SLC36A2: variants seen among roughly 807,000 people sequenced by gnomAD.
SLC36A2 encodes solute carrier family 36 member 2.
In SLC36A2, 39 loss-of-function variants were observed where a neutral mutation model predicts 42.7. The observed-to-expected ratio is 0.91, with a 90% confidence interval of 0.71 to 1.19. SLC36A2 has a LOEUF of 1.19. SLC36A2 is among the 50% of genes most tolerant of loss of function. The probability of loss-of-function intolerance (pLI) is 0.00; values close to 1 mark genes in which losing one functional copy is unlikely to be tolerated. For synonymous variants in SLC36A2, 237 were observed against 240.8 expected (o/e 0.98, Z 0.15); for missense variants, 590 against 613.7 (o/e 0.96, Z 0.41).
rs149395548 is a variant in SLC36A2, at chr5:151,333,973, A to G, written c.745-651T>C. Among the ~76,000 whole-genome samples the G allele has an allele frequency of 2.0e-3, 308 of 152,340 alleles. 1 individual carries two copies. Among genetic ancestry groups the G allele is most frequent in the African/African-American group, 6.8e-3 (283 of 41,582 alleles). On this transcript the variant is annotated intron_variant, in intron 6 of 9. Coordinates refer to ENST00000335244, the MANE Select transcript of SLC36A2 (RefSeq NM_181776.3). ...AATTCCTGTGACTGCAGTCATAGTA[A>G]TAATCTAAGGAGCCCAAAGTATGAG...
rs1371208052 is a variant in SLC36A2, at chr5:151,342,998, G to A, written c.345-15C>T. Reference sequence around the variant, plus strand: ...GCTTGTTAAGCCTGCAGGAGAGAGTGCATAAACGGTTTCCAAGAGATAGTT... The same window carrying A: ...GCTTGTTAAGCCTGCAGGAGAGAGTACATAAACGGTTTCCAAGAGATAGTT... On this transcript the variant is annotated splice_polypyrimidine_tract_variant and intron_variant, in intron 3 of 9. Transcript: ENST00000335244. 6.2e-7 allele frequency: 1 copy of A among 1,601,770 alleles called. No individual in the cohort carries two copies. The highest frequency in any genetic ancestry group is 2.2e-5 in the East Asian group (1 of 44,824).
Position 151,316,896 on chromosome 5 carries a change from C to A in SLC36A2, c.1373G>T (p.Gly458Val). The change falls in exon 10 of 10, where the codon GGG (glycine) becomes GTG (valine). Residue 458 changes from glycine to valine, a missense_variant. Coordinates refer to ENST00000335244, the MANE Select transcript of SLC36A2 (RefSeq NM_181776.3). Reference protein sequence around the residue: ...SILGFVGFVVGTYQALDELLK... With the variant: ...SILGFVGFVVVTYQALDELLK... ...CAGCTCGTCCAGGGCCTGGTAGGTC[C>A]CCACCACAAAGCCCACGAAGCCCAG... is the stretch of plus-strand genomic sequence containing the variant. The A allele has an allele frequency of 6.2e-7, 1 of 1,614,076 alleles. No individual in the cohort carries two copies. The highest frequency in any genetic ancestry group is 1.1e-5 in the South Asian group (1 of 91,074).
intron 7 of SLC36A2, among the ~76,000 whole-genome samples, chr5:151,327,957 C>A (rs1466162399): frequency 2.0e-5 from 3 of 152,198 alleles, no homozygotes; most frequent in Non-Finnish European, 2.9e-5. Context: ...TAGCAGAGTT[C>A]TTCTTAAGAT....
intron 7 of SLC36A2, among the ~76,000 whole-genome samples, chr5:151,330,283 G>T (rs1489854312): frequency 6.6e-6 from 1 of 152,048 alleles, no homozygotes; most frequent in Admixed American, 6.5e-5. Context: ...GCTGATTAAA[G>T]AAGATTTTAA....
At chr5:151,344,369 G>T in intron 1 of SLC36A2, 102 bp from the exon 2 acceptor site, 1 of 970,796 alleles carries the variant, frequency 1.0e-6, no homozygotes, top group Non-Finnish European at 1.6e-6. Flanking sequence ...CGGGCTCCTA[G>T]CCATCTCTCA....
chr5:151,332,086 A>G (rs146990250), intron 7 of SLC36A2, among the ~76,000 whole-genome samples: 4 of 152,196 alleles, frequency 2.6e-5, no homozygotes, highest in African/African-American at 9.6e-5. Flanking sequence ...AGACTGGTCT[A>G]GAACTCCTGA....
At chr5:151,326,449 G>T (rs889478165) in intron 7 of SLC36A2, among the ~76,000 whole-genome samples, 3 of 152,200 alleles carry the variant, frequency 2.0e-5, no homozygotes, top group Non-Finnish European at 2.9e-5. Flanking sequence ...GGAACACAGG[G>T]TGCTGGTGGC....
chr5:151,346,335 T>C (rs1274688707), intron 1 of SLC36A2, among the ~76,000 whole-genome samples: 1 of 152,176 alleles, frequency 6.6e-6, no homozygotes, highest in Non-Finnish European at 1.5e-5. Context: ...CATCCCTAAA[T>C]TGTCCTGCTG....
chr5:151,318,930 A>G (rs1175355149), intron 9 of SLC36A2, among the ~76,000 whole-genome samples: 2 of 152,206 alleles, frequency 1.3e-5, no homozygotes, highest in Non-Finnish European at 2.9e-5. Flanking sequence ...CTGGTCACCA[A>G]TAAATCCCAG....
In SLC36A2 at chr5:151,333,238, CA is replaced by C. The variant is rs1251641282; in HGVS notation, c.828del (p.Phe276LeufsTer14). 6.2e-7 allele frequency: 1 copy of C among 1,613,792 alleles called. No homozygotes were observed. ...TCAAACCTTACCACACCAATGCTTT[CA>C]AAAGAAAAAATGGCTGTTCCGAAGA... ...PLFFGTAIFSFESIGVVLPLE... is the reference protein window; with the variant it reads ...PLFFGTAIFSXESIGVVLPLE... On this transcript the variant is annotated frameshift_variant, in exon 7 of 10. Coordinates refer to ENST00000335244, the MANE Select transcript of SLC36A2 (RefSeq NM_181776.3). LOFTEE classifies it high-confidence loss of function.
intron 8 of SLC36A2, 130 bp downstream of exon 8, chr5:151,325,156 A>G (rs1463206795): frequency 7.3e-6 from 8 of 1,100,860 alleles, no homozygotes; most frequent in African/African-American, 3.1e-5. Context: ...CGTGGTTCCA[A>G]TGACAATTCT....
intron 2 of SLC36A2, among the ~76,000 whole-genome samples, chr5:151,343,943 A>G (rs974698067): frequency 7.9e-5 from 12 of 152,160 alleles, no homozygotes; most frequent in African/African-American, 1.2e-4. Context: ...CAATCCTTGC[A>G]TTCTACAGGG....
At chr5:151,317,610 G>A (rs760403199) in intron 9 of SLC36A2, among the ~76,000 whole-genome samples, 27 of 151,870 alleles carry the variant, frequency 1.8e-4, no homozygotes, top group Middle Eastern at 3.4e-3. Context: ...GCACATTTCT[G>A]TAGCCCCAGC....
intron 1 of SLC36A2, among the ~76,000 whole-genome samples, chr5:151,346,073 G>A (rs1050739499): frequency 4.6e-5 from 7 of 152,158 alleles, no homozygotes; most frequent in Admixed American, 6.5e-5. Flanking sequence ...CCCAAGCCAC[G>A]TGTCTCCCTT....
At chr5:151,320,673 G>A (rs1270610501) in intron 9 of SLC36A2, among the ~76,000 whole-genome samples, 4 of 152,222 alleles carry the variant, frequency 2.6e-5, no homozygotes, top group African/African-American at 9.7e-5. Flanking sequence ...CAATAGGCAA[G>A]CACAGGACCG....
chr5:151,344,122 C>A (rs1407562159), intron 2 of SLC36A2, 55 bp downstream of exon 2: 15 of 1,537,906 alleles, frequency 9.8e-6, no homozygotes, highest in Non-Finnish European at 1.3e-5. Context: ...AGCCTCTCCT[C>A]TTACTTCCCT....
At chr5:151,336,016 A>AG (rs1487132748) in intron 5 of SLC36A2, among the ~76,000 whole-genome samples, 2 of 152,212 alleles carry the variant, frequency 1.3e-5, no homozygotes, top group Non-Finnish European at 1.5e-5. Flanking sequence ...AAAAAAAAAA[A>AG]AAAGTTGTAA....
At chr5:151,331,275 ATTTCTTTCTTTC>A (rs371332793) in intron 7 of SLC36A2, among the ~76,000 whole-genome samples, 2 of 151,418 alleles carry the variant, frequency 1.3e-5, no homozygotes, top group South Asian at 2.1e-4. Context: ...ATGACCTATG[ATTTCTTTCTTTC>A]TTTCTTTCTT....
At chr5:151,343,663 A>C in intron 2 of SLC36A2, 65 bp from the exon 3 acceptor site, 2 of 1,442,092 alleles carry the variant, frequency 1.4e-6, no homozygotes, top group Non-Finnish European at 2.0e-6. Flanking sequence ...AGAATACTGC[A>C]AGATGGGCTT....
Sources: gnomAD v4.1 joint callset for allele counts (sites outside exome capture counted in the v4.1 genomes callset) on GRCh38, gnomAD v4.1.1 for gene constraint, MANE v1.5 for transcripts, NCBI Gene and HGNC (gene_info 2026-07-23, HGNC 2026-07-21) for gene names.